LRCH2: variants seen among roughly 807,000 people sequenced by gnomAD.
LRCH2 encodes the protein leucine-rich repeat and calponin homology domain-containing protein 2.
Under a neutral mutation model 68.9 loss-of-function variants are expected in LRCH2, and 38 were observed. The ratio of observed to expected loss-of-function variants is 0.55; its 90% CI spans 0.43 to 0.72. The LOEUF is 0.72. Ranked by LOEUF, LRCH2 falls within the 30% of genes least tolerant of loss-of-function variation. LRCH2 has a pLI of 0.00. For synonymous variants in LRCH2, 191 were observed against 208.1 expected, an observed-to-expected ratio of 0.92 and a Z score of 0.71; for missense variants, 528 against 572.9, an observed-to-expected ratio of 0.92 and a Z score of 0.80.
chrX:115,194,272 G>A (rs1359612793), intron 1 of LRCH2, among the ~76,000 whole-genome samples: 1 of 110,967 alleles, frequency 9.0e-6, no homozygotes, highest in Non-Finnish European at 1.9e-5. Context: ...ATAAAATTCT[G>A]AATAACTAAA....
intron 6 of LRCH2, among the ~76,000 whole-genome samples, chrX:115,167,388 G>A (rs958887286): frequency 3.8e-4 from 41 of 107,105 alleles, no homozygotes; most frequent in African/African-American, 1.1e-3. Context: ...AAAAATGAAT[G>A]TGTTTAAATG....
chrX:115,132,493 T>C (rs948860940), intron 14 of LRCH2, among the ~76,000 whole-genome samples: 8 of 111,668 alleles, frequency 7.2e-5, no homozygotes, highest in African/African-American at 2.0e-4. Flanking sequence ...CTTGGAAAAA[T>C]AGATAACCAA....
At chrX:115,127,051 A>C (rs1322858776) in intron 15 of LRCH2, among the ~76,000 whole-genome samples, 158 bp from the exon 16 acceptor site, 2 of 111,905 alleles carry the variant, frequency 1.8e-5, no homozygotes, top group African/African-American at 3.2e-5. Context: ...GTGGTCTGTA[A>C]ACCAGCAGCA....
chrX:115,146,906 T>TACAC lies in LRCH2; in HGVS notation c.1695+2917_1695+2920dup, dbSNP rs57837250. On this transcript the variant is annotated intron_variant, in intron 14 of 20. Coordinates refer to ENST00000317135, the MANE Select transcript of LRCH2 (RefSeq NM_020871.4). The stretch of plus-strand genomic sequence containing the variant: ...AATACAGTTGGATTTCTTACATACA[T>TACAC]ACACACACACACACACACACACACA... 4.9e-3 allele frequency among the ~76,000 whole-genome samples: 332 copies of TACAC among 67,535 alleles called. 1 individual carries two copies. Among genetic ancestry groups the TACAC allele is most frequent in the Middle Eastern group, 9.1e-3 (1 of 110 alleles). The allele number at this position is 67,535 out of a possible 115,157, so 58.6% of individuals were successfully genotyped here.
chrX:115,115,729 G>C lies in LRCH2; in HGVS notation c.2179-2394C>G, dbSNP rs140579568. ...ACACTTCATCAAATTAGTAACTTTT[G>C]TGCTGTAAATGATACCATCAAGAAA... On this transcript the variant is annotated intron_variant, in intron 20 of 20. Transcript: ENST00000317135. Among the ~76,000 whole-genome samples, 47 of 110,511 alleles carry C rather than the reference G, an allele frequency of 4.3e-4. No individual in the cohort carries two copies. In the East Asian group the frequency reaches 0.01, roughly 24 times the overall value.
intron 18 of LRCH2, 54 bp from the exon 19 acceptor site, chrX:115,122,951 G>A (rs1263945304): frequency 9.5e-5 from 105 of 1,103,160 alleles, no homozygotes; most frequent in Non-Finnish European, 1.2e-4. Flanking sequence ...CATGTTAAAT[G>A]TTTATATTAC....
At chrX:115,174,371 C>G (rs2072628942) in intron 5 of LRCH2, among the ~76,000 whole-genome samples, 1 of 109,909 alleles carries the variant, frequency 9.1e-6, no homozygotes, top group African/African-American at 3.3e-5. Context: ...TTTATCCACA[C>G]CCCCCAGCCC....
chrX:115,212,082 C>T (rs1354367901), intron 1 of LRCH2, among the ~76,000 whole-genome samples: 4 of 112,170 alleles, frequency 3.6e-5, no homozygotes, highest in Non-Finnish European at 7.5e-5. Context: ...TCTGAAGGGT[C>T]GGATTTTGCC....
At chrX:115,214,418 C>A (rs782376125) in intron 1 of LRCH2, among the ~76,000 whole-genome samples, 2 of 112,057 alleles carry the variant, frequency 1.8e-5, no homozygotes, top group South Asian at 7.5e-4. Flanking sequence ...CAGGTGATTT[C>A]TTGATTCAGT....
At chrX:115,202,466 T>G (rs1326952083) in intron 1 of LRCH2, among the ~76,000 whole-genome samples, 1 of 111,931 alleles carries the variant, frequency 8.9e-6, no homozygotes, top group African/African-American at 3.2e-5. Context: ...TCCCCTAACT[T>G]GACTACTATG....
At chrX:115,143,972 C>T (rs1163368951) in intron 14 of LRCH2, among the ~76,000 whole-genome samples, 2 of 111,572 alleles carry the variant, frequency 1.8e-5, no homozygotes, top group African/African-American at 6.5e-5. Context: ...TGCTTGTGTC[C>T]CCACCAAAAC....
intron 5 of LRCH2, 50 bp downstream of exon 5, chrX:115,179,377 A>C: frequency 3.0e-6 from 3 of 993,304 alleles, no homozygotes; most frequent in Non-Finnish European, 3.9e-6. Context: ...TAAACAGATA[A>C]AATTATGAAT....
intron 14 of LRCH2, among the ~76,000 whole-genome samples, chrX:115,141,503 G>A (rs986091400): frequency 4.5e-5 from 5 of 111,171 alleles, no homozygotes; most frequent in Non-Finnish European, 9.4e-5. Context: ...CCTCTCCAAA[G>A]GAGGCAATCA....
chrX:115,138,866 C>A (rs2072312225), intron 14 of LRCH2, among the ~76,000 whole-genome samples: 1 of 111,836 alleles, frequency 8.9e-6, no homozygotes, highest in South Asian at 3.7e-4. Flanking sequence ...TAATTCAACT[C>A]GGCTATCCCC....
rs182063090 is a variant in LRCH2, at chrX:115,191,988, C to T, written c.350-3618G>A. ...GCCGTGACAGTTCCAGCAACAGTTA[C>T]GACCGGAGCCACCGCTATGGAGGAG... On this transcript the variant is annotated intron_variant, in intron 1 of 20. Coordinates refer to ENST00000317135, the MANE Select transcript of LRCH2 (RefSeq NM_020871.4). 9.5e-4 allele frequency: 1,107 copies of T among 1,162,522 alleles called. 2 individuals carry two copies. In the African/African-American group the frequency reaches 0.016, roughly 17 times the overall value.
chrX:115,192,446 G>A, intron 1 of LRCH2: 1 of 1,168,320 alleles, frequency 8.6e-7, no homozygotes, highest in Non-Finnish European at 1.1e-6. Context: ...GACAGATCCA[G>A]CAACAGTTAC....
chrX:115,134,979 T>G (rs1207606663), intron 14 of LRCH2, among the ~76,000 whole-genome samples: 2 of 111,382 alleles, frequency 1.8e-5, no homozygotes, highest in Middle Eastern at 4.6e-3. Context: ...ATGTCAACAT[T>G]AACGAGAGTT....
rs782388445 is a variant in LRCH2 at position 115,150,014 on chromosome X, C to A, written c.1578+8G>T. 1 of 1,166,546 alleles carries A rather than the reference C, an allele frequency of 8.6e-7. No homozygotes were observed. The highest frequency in any genetic ancestry group is 1.1e-6 in the Non-Finnish European group (1 of 870,364). On this transcript the variant is annotated splice_region_variant and intron_variant, in intron 13 of 20. Transcript: ENST00000317135. ...GATAGATATAATTGTAATTTAATTT[C>A]TTCTTACCTGCCAGGTGAGGGGTGA...
At chrX:115,124,191 T>C (rs1374254769) in intron 16 of LRCH2, among the ~76,000 whole-genome samples, 189 bp from the exon 17 acceptor site, 1 of 111,843 alleles carries the variant, frequency 8.9e-6, no homozygotes, top group East Asian at 2.8e-4. Context: ...TCAACTAATA[T>C]TTGCTAGTTG....
Sources: gnomAD v4.1 joint callset for allele counts (sites outside exome capture counted in the v4.1 genomes callset) on GRCh38, gnomAD v4.1.1 for gene constraint, MANE v1.5 for transcripts, NCBI Gene and HGNC (gene_info 2026-07-23, HGNC 2026-07-21) for gene names.